The following PARD3B variants were observed in gnomAD, a reference collection of about 807,000 sequenced individuals.
The protein encoded by PARD3B is par-3 family cell polarity regulator beta.
A neutral mutation model predicts 130.2 loss-of-function variants in PARD3B; 103 were observed. The observed-to-expected ratio is 0.79, with a 90% confidence interval of 0.67 to 0.93. The LOEUF (loss-of-function observed/expected upper bound fraction) is 0.93. Among genes scored for constraint, PARD3B ranks in the 40% least tolerant of loss-of-function variants. The probability of loss-of-function intolerance (pLI) is 0.00; values close to 1 mark genes in which losing one functional copy is unlikely to be tolerated. For synonymous variants in PARD3B, 583 were observed against 553.2 expected, an observed-to-expected ratio of 1.05 and a Z score of -0.76; for missense variants, 1,609 against 1,499.2, an observed-to-expected ratio of 1.07 and a Z score of -1.21.
chr2:205,000,282 A>T (rs556476982), intron 3 of PARD3B, among the ~76,000 whole-genome samples: 1 of 152,128 alleles, frequency 6.6e-6, no homozygotes, highest in Non-Finnish European at 1.5e-5. Context: ...TTATGTTTTC[A>T]GTGTGGCCAC....
chr2:204,878,752 A>T (rs2045935575), intron 2 of PARD3B, among the ~76,000 whole-genome samples: 1 of 152,172 alleles, frequency 6.6e-6, no homozygotes. Flanking sequence ...TTGAGGGGGA[A>T]TGTGAAGTGG....
chr2:204,746,906 G>C (rs1281076851), intron 2 of PARD3B, among the ~76,000 whole-genome samples: 1 of 152,030 alleles, frequency 6.6e-6, no homozygotes, highest in African/African-American at 2.4e-5. Flanking sequence ...GATTGCAAAA[G>C]TTTTCTCTCA....
chr2:205,089,164 TTTC>T (rs1701942922), intron 4 of PARD3B, among the ~76,000 whole-genome samples: 1 of 151,372 alleles, frequency 6.6e-6, no homozygotes, highest in East Asian at 1.9e-4. Flanking sequence ...TTTTTCTTTT[TTTC>T]TTTTTTTGTT....
intron 21 of PARD3B, among the ~76,000 whole-genome samples, chr2:205,546,107 C>T (rs1392376553): frequency 6.6e-6 from 1 of 152,220 alleles, no homozygotes; most frequent in Non-Finnish European, 1.5e-5. Context: ...GGACTAAAAG[C>T]ACCTTAATTC....
chr2:204,836,307 A>G (rs2044029371), intron 2 of PARD3B, among the ~76,000 whole-genome samples: 1 of 152,236 alleles, frequency 6.6e-6, no homozygotes. Flanking sequence ...CAGAAATATA[A>G]TTAGATACAT....
intron 1 of PARD3B, among the ~76,000 whole-genome samples, chr2:204,640,363 G>T (rs1559200577): frequency 6.6e-6 from 1 of 152,266 alleles, no homozygotes; most frequent in East Asian, 1.9e-4. Flanking sequence ...CCAAATTCCT[G>T]TCCTGTTCAG....
At chr2:204,897,488 TC>T (rs1449789594) in intron 2 of PARD3B, among the ~76,000 whole-genome samples, 1 of 152,032 alleles carries the variant, frequency 6.6e-6, no homozygotes. Flanking sequence ...TTATTTTTTT[TC>T]TTAAACCTTT....
chr2:204,948,743 G>A (rs748100512), intron 2 of PARD3B, among the ~76,000 whole-genome samples: 2 of 152,132 alleles, frequency 1.3e-5, no homozygotes, highest in Non-Finnish European at 2.9e-5. Flanking sequence ...GAAATTATTT[G>A]TCTTAGTCCA....
At chr2:204,598,998 G>T (rs2033404950) in intron 1 of PARD3B, among the ~76,000 whole-genome samples, 1 of 151,288 alleles carries the variant, frequency 6.6e-6, no homozygotes, top group Non-Finnish European at 1.5e-5. Flanking sequence ...GTTAATTGTT[G>T]CTCTATGGAT....
At chr2:205,294,487 G>C (rs949386210) in intron 16 of PARD3B, among the ~76,000 whole-genome samples, 2 of 152,102 alleles carry the variant, frequency 1.3e-5, no homozygotes, top group African/African-American at 4.8e-5. Context: ...GGAATTTTTA[G>C]TAAAGAAAAT....
intron 21 of PARD3B, among the ~76,000 whole-genome samples, chr2:205,509,746 A>G (rs1199080673): frequency 3.3e-5 from 5 of 152,198 alleles, no homozygotes; most frequent in East Asian, 1.9e-4. Context: ...GTTTCCACGT[A>G]TGGAGCCCAA....
intron 2 of PARD3B, among the ~76,000 whole-genome samples, chr2:204,795,416 G>A (rs1213218667): frequency 2.6e-5 from 4 of 152,298 alleles, no homozygotes; most frequent in African/African-American, 9.6e-5. Flanking sequence ...CTTCTGAGAT[G>A]ACTGGTCACG....
At chr2:204,978,071 G>A (rs779853255) in intron 3 of PARD3B, among the ~76,000 whole-genome samples, 22 of 152,038 alleles carry the variant, frequency 1.4e-4, no homozygotes, top group Non-Finnish European at 2.8e-4. Context: ...CTTCCTGATG[G>A]CTACATTCAA....
At chr2:205,385,038 C>G (rs1250095757) in intron 18 of PARD3B, among the ~76,000 whole-genome samples, 3 of 151,966 alleles carry the variant, frequency 2.0e-5, no homozygotes, top group Non-Finnish European at 4.4e-5. Flanking sequence ...TTGAAAAATA[C>G]TTCCCGAATT....
chr2:205,064,694 A>G (rs937741447), intron 4 of PARD3B, among the ~76,000 whole-genome samples: 1 of 152,294 alleles, frequency 6.6e-6, no homozygotes, highest in East Asian at 1.9e-4. Context: ...TGAGTGCCGT[A>G]AGTTCAGGGA....
intron 19 of PARD3B, among the ~76,000 whole-genome samples, chr2:205,427,679 A>G (rs1349508463): frequency 6.6e-6 from 1 of 152,190 alleles, no homozygotes. Flanking sequence ...ATATTTTGCT[A>G]TATTTAAATT....
At chr2:204,919,149 A>G (rs556760914) in intron 2 of PARD3B, among the ~76,000 whole-genome samples, 1 of 152,022 alleles carries the variant, frequency 6.6e-6, no homozygotes, top group East Asian at 1.9e-4. Context: ...AAGGCGTCTT[A>G]TTTTTTTATG....
intron 2 of PARD3B, among the ~76,000 whole-genome samples, chr2:204,754,614 G>T (rs2040592094): frequency 6.6e-6 from 1 of 152,120 alleles, no homozygotes. Flanking sequence ...TATTTTCACA[G>T]AAAATATTTA....
At chr2:205,032,346 C>T (rs937915798) in intron 3 of PARD3B, among the ~76,000 whole-genome samples, 12 of 152,048 alleles carry the variant, frequency 7.9e-5, no homozygotes, top group Non-Finnish European at 7.4e-5. Flanking sequence ...AGTTATCCAA[C>T]GTGAGGTCAC....
Sources: gnomAD v4.1 joint callset for allele counts (sites outside exome capture counted in the v4.1 genomes callset) on GRCh38, gnomAD v4.1.1 for gene constraint, MANE v1.5 for transcripts, NCBI Gene and HGNC (gene_info 2026-07-23, HGNC 2026-07-21) for gene names.